The following PRR12 variants were observed in gnomAD, a reference collection of about 807,000 sequenced individuals.
PRR12 encodes proline-rich protein 12.
PRR12 carries 12 observed loss-of-function variants against 138.0 expected under a neutral mutation model. The observed-to-expected ratio is 0.09, with a 90% CI of 0.06 to 0.14. The LOEUF is 0.14. PRR12 is among the 10% of genes least tolerant of loss of function. PRR12 has a pLI of 1.00. For missense variants in PRR12, 2,692 were observed against 2,861.3 expected (o/e 0.94, Z 1.35); for synonymous variants, 1,567 against 1,291.7 (o/e 1.21, Z -4.57).
chr19:49,601,678 G>A lies in PRR12; in HGVS notation c.4533G>A (p.Ser1511=), dbSNP rs73586559. The A allele has an allele frequency of 4.2e-3, 6,465 of 1,537,528 alleles. 235 individuals are homozygous for A. The African/African-American group carries it at 0.078, about 18-fold the overall frequency. Residue 1511 remains serine, a synonymous_variant, in exon 6 of 14, where the codon TCG becomes TCA. Transcript: ENST00000418929. Reference sequence around the variant, plus strand: ...CGCCACCTCCACCAGCCATGCCCTCGCCTCCACCACCACCCCCACCAGCCG... The same window carrying A: ...CGCCACCTCCACCAGCCATGCCCTCACCTCCACCACCACCCCCACCAGCCG... ...LPPPPPPAMP[S]PPPPPPPAAA... is the part of the protein sequence containing the mutation.
chr19:49,616,188 G>A lies in PRR12; in HGVS notation c.5466G>A (p.Ser1822=), dbSNP rs762276020. Residue 1822 remains serine (S), a synonymous_variant, in exon 9 of 14, where the codon TCG becomes TCA. Transcript: ENST00000418929. The surrounding 1 kb of genome is among the most constrained non-coding windows in gnomAD (Gnocchi z 4.2). ...GCCCACCAGGCAGCTCCTCGGACTC[G>A]GAGTCCTCCCCTGGAGCCCCCAGCG... ...GGGPPGSSSD[S]ESSPGAPSED... 17 of 1,550,358 alleles carry A rather than the reference G, an allele frequency of 1.1e-5. No homozygotes were observed. The East Asian group carries it at 1.9e-4, about 18-fold the overall frequency.
In PRR12 at chr19:49,612,344, G is replaced by A. The variant is rs73586572; in HGVS notation, c.4774-2189G>A. 8.0e-3 allele frequency among the ~76,000 whole-genome samples: 1,217 copies of A among 152,062 alleles called. 16 individuals carry two copies. The highest frequency in any genetic ancestry group is 0.028 in the African/African-American group (1,157 of 41,456). ...GGGCCAGGCCACTTTTCTAGTAATC[G>A]GCAGTTGGCATGGTCAGTGATATGA... On this transcript the variant is annotated intron_variant, in intron 6 of 13. Coordinates refer to ENST00000418929, the MANE Select transcript of PRR12 (RefSeq NM_020719.3).
rs2122299365 is a variant in PRR12, at chr19:49,597,096, A to T, written c.2761A>T (p.Thr921Ser). Residue 921 changes from threonine to serine, a missense_variant, in exon 4 of 14, where the codon ACC becomes TCC. Around this residue, in one of 11 missense-constraint regions of PRR12, gnomAD observed 840 missense variants for 689.8 expected, o/e 1.22. Coordinates refer to ENST00000418929, the MANE Select transcript of PRR12 (RefSeq NM_020719.3). The surrounding 1 kb of genome is among the most constrained non-coding windows in gnomAD (Gnocchi z 6.3). The part of the protein sequence containing the change: ...GAYRSPSPQG[T>S]KAPRFVPLTS... ...CTACCGCAGCCCCAGCCCGCAAGGC[A>T]CCAAGGCGCCGCGTTTCGTGCCGCT... The T allele has an allele frequency of 6.4e-7, 1 of 1,551,508 alleles. No individual in the cohort carries two copies. Among genetic ancestry groups the T allele is most frequent in the East Asian group, 2.4e-5 (1 of 41,092 alleles).
At position 49,624,874 on chromosome 19, in the gene PRR12, G is replaced by A; in HGVS notation, c.5752G>A (p.Val1918Met). Residue 1918 changes from valine to methionine, a missense_variant, in exon 12 of 14, where the codon GTG (valine) becomes ATG (methionine). Val to Met is a conservative substitution (Grantham distance 21). Transcript: ENST00000418929. Reference protein sequence around the residue: ...DALHTFPQLQVEQSGEGSPEE... With the variant: ...DALHTFPQLQMEQSGEGSPEE... ...TCTGCACACGTTCCCACAGCTGCAAGTGGAGCAGAGTGGGGAGGGCTCTCC... is the reference window on the plus strand; with the variant it reads ...TCTGCACACGTTCCCACAGCTGCAAATGGAGCAGAGTGGGGAGGGCTCTCC... The A allele has an allele frequency of 9.3e-6, 15 of 1,611,670 alleles. No individual in the cohort carries two copies. Among genetic ancestry groups the A allele is most frequent in the Non-Finnish European group, 1.3e-5 (15 of 1,179,148 alleles).
Position 49,594,729 on chromosome 19 carries a change from A to G in PRR12, c.394A>G (p.Ile132Val). 2 of 1,611,412 alleles carry G rather than the reference A, an allele frequency of 1.2e-6. No individual in the cohort carries two copies. The highest frequency in any genetic ancestry group is 2.2e-5 in the East Asian group (1 of 44,760). Residue 132 changes from isoleucine to valine, a missense_variant, in exon 4 of 14, where the codon ATC (isoleucine) becomes GTC (valine). Around this residue, in one of 11 missense-constraint regions of PRR12, gnomAD observed 211 missense variants for 266.3 expected, o/e 0.79. Coordinates refer to ENST00000418929, the MANE Select transcript of PRR12 (RefSeq NM_020719.3). This position sits in a 1 kb window ranked among gnomAD's most constrained non-coding sequence, Gnocchi z 5.6. ...CACGCCAGGCCCCACGGAGCTCTTC[A>G]TCTCGGGTGCCCTGCCGGGTTCCAG... The part of the protein sequence containing the change: ...MHTPGPTELF[I>V]SGALPGSSTF...
chr19:49,625,300 C>T lies in PRR12; in HGVS notation c.5964+100C>T. ...AGCCCAGCCCCATCCTGCCTCAGAC[C>T]CAAGAGTTCAGGTCCTTCTGTCTTG... On this transcript the variant is annotated intron_variant, in intron 13 of 13. Transcript: ENST00000418929. This position sits in a 1 kb window ranked among gnomAD's most constrained non-coding sequence, Gnocchi z 5.5. The T allele has an allele frequency of 6.8e-7, 1 of 1,476,956 alleles. No individual in the cohort carries two copies. Among genetic ancestry groups the T allele is most frequent in the Non-Finnish European group, 9.3e-7 (1 of 1,073,476 alleles). The allele number at this position is 1,476,956 out of a possible 1,614,324, so 91.5% of individuals were successfully genotyped here.
intron 11 of PRR12, among the ~76,000 whole-genome samples, chr19:49,622,797 C>G (rs529920906): frequency 3.4e-5 from 5 of 149,078 alleles, no homozygotes; most frequent in African/African-American, 1.2e-4. Context: ...GAGGCTGAGG[C>G]AGGAGAAAGG....
chr19:49,617,986 G>T (rs1213348269), intron 9 of PRR12, among the ~76,000 whole-genome samples: 2 of 152,062 alleles, frequency 1.3e-5, no homozygotes, highest in African/African-American at 2.4e-5. Flanking sequence ...TAATCACAGC[G>T]ACTCGGGAGG....
At chr19:49,617,056 G>A (rs1281347406) in intron 9 of PRR12, among the ~76,000 whole-genome samples, 1 of 151,488 alleles carries the variant, frequency 6.6e-6, no homozygotes, top group African/African-American at 2.4e-5. Flanking sequence ...ACTTGAACCC[G>A]GGAGGCAGAG....
At position 49,625,361 on chromosome 19, in the gene PRR12, G is replaced by GACATC. The variant is rs2080949423; in HGVS notation, c.5965-100_5965-99insACATC. 1 of 1,446,824 alleles carries GACATC rather than the reference G, an allele frequency of 6.9e-7. No individual in the cohort carries two copies. Among genetic ancestry groups the GACATC allele is most frequent in the Non-Finnish European group, 9.3e-7 (1 of 1,071,122 alleles). The allele number at this position is 1,446,824 out of a possible 1,614,324, so 89.6% of individuals were successfully genotyped here. A position where few individuals can be genotyped will look rare whatever the true frequency, so the allele number is the denominator to read the frequency against. ...TGCAGCCCCCAGCCCTGGTCTCCCT[G>GACATC]GGACACTGACATCTGACACCCCAGG... On this transcript the variant is annotated intron_variant, in intron 13 of 13. Coordinates refer to ENST00000418929, the MANE Select transcript of PRR12 (RefSeq NM_020719.3). The surrounding 1 kb of genome is among the most constrained non-coding windows in gnomAD (Gnocchi z 5.5).
rs961076229 is a variant in PRR12 at position 49,625,726 on chromosome 19, G to A, written c.*119G>A. On this transcript the variant is annotated 3_prime_UTR_variant, in exon 14 of 14. Coordinates refer to ENST00000418929, the MANE Select transcript of PRR12 (RefSeq NM_020719.3). The surrounding 1 kb of genome is among the most constrained non-coding windows in gnomAD (Gnocchi z 5.5). The stretch of plus-strand genomic sequence containing the variant: ...CGGGGAAAGGGGGTCATGGGTCAGG[G>A]TGTGTCTGTGCTGCCCCCTCCAGGG... The A allele has an allele frequency of 1.5e-6, 2 of 1,356,238 alleles. No homozygotes were observed. The highest frequency in any genetic ancestry group is 2.9e-5 in the African/African-American group (2 of 68,604). The allele number at this position is 1,356,238 out of a possible 1,614,324, so 84.0% of individuals were successfully genotyped here. A position where few individuals can be genotyped will look rare whatever the true frequency, so the allele number is the denominator to read the frequency against.
rs1486200161 is a variant in PRR12 at position 49,623,201 on chromosome 19, A to G, written c.5721+1579A>G. Among the ~76,000 whole-genome samples, 4 of 152,178 alleles carry G rather than the reference A, an allele frequency of 2.6e-5. No individual in the cohort carries two copies. The South Asian group carries it at 8.3e-4, about 32-fold the overall frequency. On this transcript the variant is annotated intron_variant, in intron 11 of 13. Transcript: ENST00000418929. The stretch of plus-strand genomic sequence containing the variant: ...ACTCTGGAGGATATGAATCTAGTCT[A>G]CAAATTCTGAGATGGATTGTTAGGC...
intron 5 of PRR12, among the ~76,000 whole-genome samples, chr19:49,601,093 C>G (rs1269614579): frequency 6.6e-6 from 1 of 152,068 alleles, no homozygotes; most frequent in Non-Finnish European, 1.5e-5. Flanking sequence ...AGTCTGCATA[C>G]TGGTGAGCAG....
At chr19:49,603,551 G>A (rs2080822880) in intron 6 of PRR12, among the ~76,000 whole-genome samples, 1 of 152,056 alleles carries the variant, frequency 6.6e-6, no homozygotes, top group Non-Finnish European at 1.5e-5. Context: ...AATTAACTGG[G>A]CGTGGTAGGG....
At chr19:49,607,773 C>T (rs576166651) in intron 6 of PRR12, among the ~76,000 whole-genome samples, 67 of 151,490 alleles carry the variant, frequency 4.4e-4, no homozygotes, top group African/African-American at 1.6e-3. Context: ...AATCGCAGCA[C>T]TTTGGGAGGC....
intron 6 of PRR12, among the ~76,000 whole-genome samples, chr19:49,610,710 T>G (rs2080861707): frequency 6.6e-6 from 1 of 151,760 alleles, no homozygotes; most frequent in Non-Finnish European, 1.5e-5. Flanking sequence ...TCCGTCTAAT[T>G]TTTTGTGTAT....
chr19:49,614,990 C>T lies in PRR12; in HGVS notation c.5005C>T (p.Arg1669Trp), dbSNP rs1163214537. ...VRVCARKPWH[R>W]PPVPVRRSGQ... ...GGTCTGTGCTCGGAAACCCTGGCAT[C>T]GGCCCCCAGTGCCAGTCAGGTACCA... is the stretch of plus-strand genomic sequence containing the variant. Residue 1669 changes from arginine to tryptophan, a missense_variant, in exon 8 of 14, where the codon CGG becomes TGG. Physicochemically the swap from Arg to Trp is moderately radical, Grantham distance 101 (BLOSUM62 -3). Transcript: ENST00000418929. This position sits in a 1 kb window ranked among gnomAD's most constrained non-coding sequence, Gnocchi z 5.0. 4 of 1,613,952 alleles carry T rather than the reference C, an allele frequency of 2.5e-6. No homozygotes were observed. The highest frequency in any genetic ancestry group is 3.4e-6 in the Non-Finnish European group (4 of 1,179,876).
Position 49,625,607 on chromosome 19 carries a change from AC to A in PRR12, c.*4del, listed in dbSNP as rs2122391279. Reference sequence around the variant, plus strand: ...CACAGGCCCACAGCCGCTGCGGGTGACCCCGCCCCAGCTTGTGAGGGGGGCG... The same window carrying A: ...CACAGGCCCACAGCCGCTGCGGGTGACCCGCCCCAGCTTGTGAGGGGGGCG... On this transcript the variant is annotated 3_prime_UTR_variant, in exon 14 of 14. Coordinates refer to ENST00000418929, the MANE Select transcript of PRR12 (RefSeq NM_020719.3). This position sits in a 1 kb window ranked among gnomAD's most constrained non-coding sequence, Gnocchi z 5.5. The A allele has an allele frequency of 6.3e-7, 1 of 1,598,476 alleles. No individual in the cohort carries two copies.
At position 49,595,199 on chromosome 19, in the gene PRR12, C is replaced by T. The variant is rs760493676; in HGVS notation, c.864C>T (p.Val288=). ...PERALPRQDT[V]IKHYQRPASA... ...GGGCCCTGCCACGCCAGGACACGGT[C>T]ATCAAGCACTACCAGCGGCCAGCCA... The change falls in exon 4 of 14, where the codon GTC becomes GTT. Residue 288 remains valine (V), a synonymous_variant. Transcript: ENST00000418929. 16 of 1,600,436 alleles carry T rather than the reference C, an allele frequency of 1.0e-5. No individual in the cohort carries two copies. The highest frequency in any genetic ancestry group is 3.4e-5 in the Admixed American group (2 of 58,398).
Sources: allele counts gnomAD v4.1 joint callset (sites outside exome capture counted in the v4.1 genomes callset), GRCh38; gene constraint gnomAD v4.1.1; regional missense constraint gnomAD v4.1.1; non-coding constraint Gnocchi (gnomAD v3.1); transcripts MANE v1.5; gene names NCBI Gene and HGNC (gene_info 2026-07-23, HGNC 2026-07-21).